Variants in NEB observed in about 807,000 individuals in gnomAD.
The protein encoded by NEB is nebulin.
NEB carries 512 observed loss-of-function variants against 952.2 expected under a neutral mutation model. That is an observed-to-expected ratio of 0.54 (90% CI 0.50 to 0.58). NEB has a LOEUF of 0.58. NEB is among the 20% of genes least tolerant of loss of function. The pLI, the probability that NEB is intolerant of heterozygous loss-of-function variation, is 0.00. For missense variants in NEB, 8,428 were observed against 9,231.1 expected (o/e 0.91, Z 3.56); for synonymous variants, 2,900 against 3,149.8 (o/e 0.92, Z 2.66).
chr2:151,576,450 T>A, intron 105 of NEB, 96 bp from the exon 106 acceptor site: 6 of 352,748 alleles, frequency 1.7e-5, no homozygotes, highest in Non-Finnish European at 3.0e-5. Context: ...GTGTATATAT[T>A]ATATATACAA....
chr2:151,553,924 A>G lies in NEB; in HGVS notation c.19530T>C (p.Ser6510=), dbSNP rs1205003159. Residue 6510 remains serine (S), a synonymous_variant, in exon 126 of 182, where the codon AGT becomes AGC. Coordinates refer to ENST00000397345, the MANE Select transcript of NEB (RefSeq NM_001164508.2). The stretch of plus-strand genomic sequence containing the variant: ...GGAGGCGCAGGCGGTAATCAATCTC[A>G]CTGACTTTCTTCTGGGAATCCTTGG... ...VTAKDSQKKV[S]EIDYRLRLHE... is the part of the protein sequence containing the mutation. 1.2e-6 allele frequency: 2 copies of G among 1,613,864 alleles called. No individual in the cohort carries two copies. The highest frequency in any genetic ancestry group is 1.7e-6 in the Non-Finnish European group (2 of 1,179,800).
At chr2:151,664,364 G>A (rs1331437163) in intron 44 of NEB, 137 bp downstream of exon 44, 3 of 589,866 alleles carry the variant, frequency 5.1e-6, no homozygotes, top group Non-Finnish European at 8.8e-6. Flanking sequence ...ATGGGGTGAA[G>A]GGAGGTGTCT....
chr2:151,486,185 C>T, intron 181 of NEB: 1 of 436,980 alleles, frequency 2.3e-6, no homozygotes, highest in Non-Finnish European at 4.1e-6. Context: ...CCAAAAGAGG[C>T]AAAGGATATG....
At chr2:151,730,509 T>C (rs191633535) in intron 3 of NEB, among the ~76,000 whole-genome samples, 11 of 151,398 alleles carry the variant, frequency 7.3e-5, no homozygotes, top group Non-Finnish European at 2.9e-5. Flanking sequence ...AGAGGAATCC[T>C]GTCCTTAGCC....
At chr2:151,642,124 T>G (rs2098869984) in intron 60 of NEB, among the ~76,000 whole-genome samples, 2 of 152,200 alleles carry the variant, frequency 1.3e-5, no homozygotes, top group Non-Finnish European at 2.9e-5. Flanking sequence ...CAAATATTTG[T>G]AACCCACCAC....
chr2:151,567,542 G>A, intron 113 of NEB, 63 bp from the exon 114 acceptor site: 1 of 1,462,682 alleles, frequency 6.8e-7, no homozygotes. Flanking sequence ...GAGGGGGCTT[G>A]ATCATCTACT....
chr2:151,723,750 G>GTTTTTTTTTTTTTTTT (rs11308757), intron 8 of NEB, among the ~76,000 whole-genome samples: 7 of 51,378 alleles, frequency 1.4e-4, no homozygotes, highest in Admixed American at 2.5e-4. Context: ...TGCCTTCTTT[G>GTTTTTTTTTTTTTTTT]TTTTTTTTTT....
At chr2:151,632,847 C>T (rs1262183717) in intron 65 of NEB, among the ~76,000 whole-genome samples, 1 of 152,066 alleles carries the variant, frequency 6.6e-6, no homozygotes, top group Non-Finnish European at 1.5e-5. Context: ...TCAATATTGT[C>T]GTTGTATGGG....
intron 39 of NEB, among the ~76,000 whole-genome samples, chr2:151,668,757 C>T (rs749596914): frequency 1.3e-5 from 2 of 152,064 alleles, no homozygotes; most frequent in African/African-American, 2.4e-5. Context: ...TCTTGTCTGT[C>T]TCATGTTCCA....
intron 137 of NEB, 113 bp from the exon 138 acceptor site, chr2:151,540,561 A>G: frequency 9.0e-7 from 1 of 1,105,118 alleles, no homozygotes; most frequent in East Asian, 2.6e-5. Context: ...TTAAGAGAAT[A>G]GCTCTGCCTT....
Position 151,535,703 on chromosome 2 carries a change from T to C in NEB, c.21300A>G (p.Gln7100=), listed in dbSNP as rs1050612430. ...TATTCATACATACCTCATTCATCAA[T>C]TGAGTTGCATACTTGAAATGCCTAT... is the stretch of plus-strand genomic sequence containing the variant. ...PINRHFKYAT[Q]LMNERKYKSS... The change falls in exon 142 of 182, where the codon CAA becomes CAG. Residue 7100 remains glutamine, a synonymous_variant. Coordinates refer to ENST00000397345, the MANE Select transcript of NEB (RefSeq NM_001164508.2). 1 of 1,603,624 alleles carries C rather than the reference T, an allele frequency of 6.2e-7. No individual in the cohort carries two copies. The highest frequency in any genetic ancestry group is 8.5e-7 in the Non-Finnish European group (1 of 1,172,990).
In NEB at chr2:151,680,031, GA is replaced by G. The variant is rs760628422; in HGVS notation, c.3043-10del. On this transcript the variant is annotated splice_polypyrimidine_tract_variant and intron_variant, in intron 30 of 181. Transcript: ENST00000397345. ...TTGGCTTTGTAAGCGATCTGAAAGAGAAAAAAATGCATAAACAAACAAATAA... is the reference window on the plus strand; with the variant it reads ...TTGGCTTTGTAAGCGATCTGAAAGAGAAAAAATGCATAAACAAACAAATAA... The G allele has an allele frequency of 1.5e-5, 24 of 1,554,960 alleles. No homozygotes were observed. Among genetic ancestry groups the G allele is most frequent in the South Asian group, 3.4e-5 (3 of 88,470 alleles).
Position 151,620,882 on chromosome 2 carries a change from T to C in NEB, c.10560+37A>G, listed in dbSNP as rs780900006. 1.2e-5 allele frequency: 18 copies of C among 1,492,572 alleles called. No homozygotes were observed. In the South Asian group the frequency reaches 2.0e-4, roughly 17 times the overall value. 92.5% of individuals were successfully genotyped at this position (1,492,572 alleles called of 1,614,324 possible). Reference sequence around the variant, plus strand: ...CCAGCTGTATTCTGTGTGGCTGGCATGATGGTAAGAAATGTTAGGACTTGA... The same window carrying C: ...CCAGCTGTATTCTGTGTGGCTGGCACGATGGTAAGAAATGTTAGGACTTGA... On this transcript the variant is annotated intron_variant, in intron 72 of 181. Transcript: ENST00000397345.
In NEB at chr2:151,665,517, G is replaced by A. The variant is rs200050128; in HGVS notation, c.5054C>T (p.Thr1685Ile). The A allele has an allele frequency of 5.6e-6, 9 of 1,608,008 alleles. No individual in the cohort carries two copies. The highest frequency in any genetic ancestry group is 1.3e-5 in the African/African-American group (1 of 74,892). ...QSDNLYKSDFTNWMKGIGWVP... is the reference protein window; with the variant it reads ...QSDNLYKSDFINWMKGIGWVP... ...CCAGCCGATCCCTTTCATCCAATTG[G>A]TGAAGTCAGATTTGTACAGATTCTT... Residue 1685 changes from threonine (T) to isoleucine (I), a missense_variant, in exon 42 of 182, where the codon ACC (threonine) becomes ATC (isoleucine). By Grantham distance (89) the Thr-to-Ile change is moderately conservative. This residue lies in a region of NEB where 2,851 missense variants were observed against 2,791.5 expected (regional missense o/e 1.02). Transcript: ENST00000397345.
At chr2:151,704,587 A>G (rs1388031212) in intron 13 of NEB, among the ~76,000 whole-genome samples, 1 of 152,204 alleles carries the variant, frequency 6.6e-6, no homozygotes, top group African/African-American at 2.4e-5. Flanking sequence ...AGCCGGTCAG[A>G]AAAGCGCAAT....
intron 9 of NEB, among the ~76,000 whole-genome samples, chr2:151,721,076 T>G (rs977471075): frequency 6.6e-6 from 1 of 152,176 alleles, no homozygotes; most frequent in Non-Finnish European, 1.5e-5. Context: ...CTTTCTCTCC[T>G]TTGGCTCCAA....
chr2:151,653,506 A>AT (rs1346154922), intron 52 of NEB, among the ~76,000 whole-genome samples: 1 of 152,106 alleles, frequency 6.6e-6, no homozygotes, highest in Non-Finnish European at 1.5e-5. Flanking sequence ...ACCTTCTTGG[A>AT]TTTTTTATGT....
chr2:151,485,858 T>C lies in NEB; in HGVS notation c.25480A>G (p.Ile8494Val), dbSNP rs2049825707. The change falls in exon 182 of 182, where the codon ATA becomes GTA. Residue 8494 changes from isoleucine to valine, a missense_variant. Physicochemically the swap from Ile to Val is conservative, Grantham distance 29 (BLOSUM62 3). Transcript: ENST00000397345. The part of the protein sequence containing the change: ...EVSFKDGDAI[I>V]NVQAIDEGWM... The stretch of plus-strand genomic sequence containing the variant: ...CCTTCATCAATTGCTTGAACATTTA[T>C]GATGGCATCTCCATCCTTGAAGGAC... The C allele has an allele frequency of 6.2e-7, 1 of 1,614,052 alleles. No homozygotes were observed. Among genetic ancestry groups the C allele is most frequent in the Non-Finnish European group, 8.5e-7 (1 of 1,179,880 alleles).
At chr2:151,601,130 CAG>C (rs2097508977) in intron 88 of NEB, among the ~76,000 whole-genome samples, 2 of 119,146 alleles carry the variant, frequency 1.7e-5, no homozygotes, top group African/African-American at 3.8e-5. Flanking sequence ...TTTTTTGAGA[CAG>C]AGTCTCGCTC....
Sources: gnomAD v4.1 joint callset for allele counts (sites outside exome capture counted in the v4.1 genomes callset) on GRCh38, gnomAD v4.1.1 for gene constraint, gnomAD v4.1.1 regional missense constraint, MANE v1.5 for transcripts, NCBI Gene and HGNC (gene_info 2026-07-23, HGNC 2026-07-21) for gene names.